RUNX2: variants seen among roughly 807,000 people sequenced by gnomAD.
RUNX2 encodes runt-related transcription factor 2.
A neutral mutation model predicts 51.7 loss-of-function variants in RUNX2; 10 were observed. That is an observed-to-expected ratio of 0.19 (90% CI 0.12 to 0.33). The LOEUF (loss-of-function observed/expected upper bound fraction) is 0.33. RUNX2 is among the 10% of genes least tolerant of loss of function. The pLI, the probability that RUNX2 is intolerant of heterozygous loss-of-function variation, is 1.00. For synonymous variants in RUNX2, 276 were observed against 273.6 expected, an observed-to-expected ratio of 1.01 and a Z score of -0.09; for missense variants, 562 against 691.3, an observed-to-expected ratio of 0.81 and a Z score of 2.10.
chr6:45,348,111 A>T (rs1452219346), intron 2 of RUNX2, among the ~76,000 whole-genome samples: 1 of 152,178 alleles, frequency 6.6e-6, no homozygotes, highest in Non-Finnish European at 1.5e-5. Flanking sequence ...CGTTAAAAGC[A>T]GCACCTTTCT....
chr6:45,545,393 C>G, intron 8 of RUNX2, 111 bp downstream of exon 8: 1 of 1,182,066 alleles, frequency 8.5e-7, no homozygotes, highest in Non-Finnish European at 1.2e-6. Flanking sequence ...TTTAAAGAGT[C>G]ACTTTTTATT....
intron 2 of RUNX2, among the ~76,000 whole-genome samples, chr6:45,330,888 T>C (rs894998687): frequency 1.3e-4 from 19 of 151,996 alleles, no homozygotes; most frequent in African/African-American, 3.6e-4. Flanking sequence ...GTATATGTTA[T>C]CACATTGCAA....
At chr6:45,343,430 C>T (rs754245424) in intron 2 of RUNX2, among the ~76,000 whole-genome samples, 1 of 152,044 alleles carries the variant, frequency 6.6e-6, no homozygotes, top group Non-Finnish European at 1.5e-5. Flanking sequence ...CTGAAGGACT[C>T]GAGAGACTAA....
At chr6:45,452,245 TG>T (rs1458345876) in intron 5 of RUNX2, among the ~76,000 whole-genome samples, 1 of 152,158 alleles carries the variant, frequency 6.6e-6, no homozygotes, top group Non-Finnish European at 1.5e-5. Flanking sequence ...GGAGCTTGAG[TG>T]ATGCAATCCA....
intron 5 of RUNX2, among the ~76,000 whole-genome samples, chr6:45,469,526 A>G (rs1471409949): frequency 1.3e-5 from 2 of 152,236 alleles, no homozygotes; most frequent in African/African-American, 4.8e-5. Flanking sequence ...TGGAATTATT[A>G]TTAAAGATAA....
At chr6:45,395,637 G>A (rs1300236150) in intron 2 of RUNX2, among the ~76,000 whole-genome samples, 3 of 152,140 alleles carry the variant, frequency 2.0e-5, no homozygotes, top group Non-Finnish European at 4.4e-5. Context: ...ATAAAAGTAA[G>A]CATTTCAAAT....
At chr6:45,482,767 G>A (rs55728700) in intron 5 of RUNX2, among the ~76,000 whole-genome samples, 1,980 of 152,254 alleles carry the variant, frequency 0.013, 37 homozygotes, top group African/African-American at 0.041. Context: ...TGTCTCTTGA[G>A]TAGATTATAT....
At chr6:45,411,543 A>G (rs1333128365) in intron 2 of RUNX2, among the ~76,000 whole-genome samples, 1 of 152,218 alleles carries the variant, frequency 6.6e-6, no homozygotes, top group East Asian at 1.9e-4. Flanking sequence ...AGGCTAATGT[A>G]AGATGAGTTA....
intron 6 of RUNX2, among the ~76,000 whole-genome samples, chr6:45,507,854 A>G (rs1345334313): frequency 1.3e-5 from 2 of 152,256 alleles, no homozygotes; most frequent in Non-Finnish European, 2.9e-5. Context: ...AAACAAATAT[A>G]AAATGAAGGT....
At position 45,545,513 on chromosome 6, in the gene RUNX2, C is replaced by T. The variant is rs75481685; in HGVS notation, c.1087+231C>T. The stretch of plus-strand genomic sequence containing the variant: ...ATCAGCACCTTTAAAGAAAAGTGTT[C>T]GGATTATTCCCTTAATAAACATCGT... On this transcript the variant is annotated intron_variant, in intron 8 of 8. Transcript: ENST00000647337. Among the ~76,000 whole-genome samples, 2,439 of 152,186 alleles carry T rather than the reference C, an allele frequency of 0.016. 35 individuals carry two copies. The highest frequency in any genetic ancestry group is 0.024 in the Middle Eastern group (7 of 294).
At chr6:45,437,800 A>T in intron 4 of RUNX2, 147 bp from the exon 5 acceptor site, 1 of 697,772 alleles carries the variant, frequency 1.4e-6, no homozygotes. Context: ...GAGGGTTTCC[A>T]ATTTAGAAGA....
chr6:45,474,367 TTATA>T (rs892473711), intron 5 of RUNX2, among the ~76,000 whole-genome samples: 1 of 128,056 alleles, frequency 7.8e-6, no homozygotes, highest in African/African-American at 3.7e-5. Context: ...TTTTTATGTT[TTATA>T]TATGTGTGTG....
At chr6:45,525,807 C>A (rs1801659414) in intron 7 of RUNX2, among the ~76,000 whole-genome samples, 1 of 151,978 alleles carries the variant, frequency 6.6e-6, no homozygotes, top group Admixed American at 6.6e-5. Context: ...CCAGCCTCAG[C>A]AACATGGCGA....
intron 6 of RUNX2, among the ~76,000 whole-genome samples, chr6:45,503,257 T>C (rs1340764820): frequency 1.3e-5 from 2 of 152,208 alleles, no homozygotes; most frequent in Non-Finnish European, 2.9e-5. Flanking sequence ...GATTAGGTCA[T>C]AAAACTCCAT....
chr6:45,452,879 A>G (rs1411184903), intron 5 of RUNX2, among the ~76,000 whole-genome samples: 1 of 152,194 alleles, frequency 6.6e-6, no homozygotes, highest in Non-Finnish European at 1.5e-5. Context: ...TCCTCCCAAA[A>G]TAACTTGGGC....
chr6:45,358,611 A>G (rs1210685282), intron 2 of RUNX2, among the ~76,000 whole-genome samples: 1 of 152,200 alleles, frequency 6.6e-6, no homozygotes. Flanking sequence ...GCCAGGAACT[A>G]CACTATGTGT....
At chr6:45,371,040 G>C (rs532598927) in intron 2 of RUNX2, among the ~76,000 whole-genome samples, 10 of 152,222 alleles carry the variant, frequency 6.6e-5, no homozygotes, top group Non-Finnish European at 1.5e-4. Flanking sequence ...AAACACTGTT[G>C]TTCTTACACA....
At position 45,547,003 on chromosome 6, in the gene RUNX2, C is replaced by A. The variant is rs1345306388; in HGVS notation, c.1264C>A (p.Leu422Met). 6.2e-7 allele frequency: 1 copy of A among 1,614,070 alleles called. No homozygotes were observed. Among genetic ancestry groups the A allele is most frequent in the African/African-American group, 1.3e-5 (1 of 74,998 alleles). ...CGCCACCACTCACTACCACACCTAC[C>A]TGCCACCACCCTACCCCGGCTCTTC... is the stretch of plus-strand genomic sequence containing the variant. ...MSATTHYHTYLPPPYPGSSQS... is the reference protein window; with the variant it reads ...MSATTHYHTYMPPPYPGSSQS... Residue 422 changes from leucine to methionine, a missense_variant, in exon 9 of 9, where the codon CTG becomes ATG. By Grantham distance (15) the Leu-to-Met change is conservative. Coordinates refer to ENST00000647337, the MANE Select transcript of RUNX2 (RefSeq NM_001024630.4).
chr6:45,546,309 T>C (rs1398194565), intron 8 of RUNX2, among the ~76,000 whole-genome samples: 2 of 152,164 alleles, frequency 1.3e-5, no homozygotes, highest in African/African-American at 4.8e-5. Flanking sequence ...TTAAAGGAAA[T>C]GATAGGAACA....
Sources: gnomAD v4.1 joint callset for allele counts (sites outside exome capture counted in the v4.1 genomes callset) on GRCh38, gnomAD v4.1.1 for gene constraint, MANE v1.5 for transcripts, NCBI Gene and HGNC (gene_info 2026-07-23, HGNC 2026-07-21) for gene names.